CR1: variants seen among roughly 807,000 people sequenced by gnomAD.
CR1 encodes complement receptor type 1.
In CR1, 116 loss-of-function variants were observed where a neutral mutation model predicts 187.3. The observed-to-expected ratio is 0.62, with a 90% CI of 0.53 to 0.72. CR1 has a LOEUF of 0.72. Among genes scored for constraint, CR1 ranks in the 30% least tolerant of loss-of-function variants. The pLI is 0.00. For missense variants in CR1, 1,731 were observed against 2,110.7 expected (o/e 0.82, Z 3.52); for synonymous variants, 576 against 747.1 (o/e 0.77, Z 3.73).
Position 207,599,143 on chromosome 1 carries a change from G to C in CR1, c.5811-8108G>C, listed in dbSNP as rs188796870. 2.0e-5 allele frequency: 3 copies of C among 152,252 alleles called. No individual in the cohort carries two copies. The East Asian group carries it at 5.8e-4, about 29-fold the overall frequency. The allele number at this position is 152,252 out of a possible 1,614,324, so 9.4% of individuals were successfully genotyped here. ...AGAAAGTTAAGAGCATACAACAGTA[G>C]ATAAGCAATAGACAACCCGATATAA... is the stretch of plus-strand genomic sequence containing the variant. On this transcript the variant is annotated intron_variant, in intron 35 of 46. Coordinates refer to ENST00000367049, the MANE Select transcript of CR1 (RefSeq NM_000651.6).
chr1:207,578,617 G>T (rs1478414123), intron 29 of CR1, among the ~76,000 whole-genome samples: 2 of 152,186 alleles, frequency 1.3e-5, no homozygotes, highest in African/African-American at 4.8e-5. Flanking sequence ...AGTGACATCA[G>T]CTTGATCTTT....
chr1:207,513,807 C>T (rs1240763411), intron 4 of CR1, among the ~76,000 whole-genome samples: 2 of 128,714 alleles, frequency 1.6e-5, no homozygotes, highest in African/African-American at 5.8e-5. Flanking sequence ...TTCCTTCCTT[C>T]CCTCTTTCCT....
intron 1 of CR1, among the ~76,000 whole-genome samples, chr1:207,504,144 A>C (rs112814732): frequency 0.029 from 4,384 of 152,262 alleles, 215 homozygotes; most frequent in African/African-American, 0.098. Flanking sequence ...GACAGCTGTC[A>C]GGTTTGGTAC....
intron 1 of CR1, among the ~76,000 whole-genome samples, chr1:207,502,312 A>G (rs1659295693): frequency 6.6e-6 from 1 of 152,214 alleles, no homozygotes; most frequent in Non-Finnish European, 1.5e-5. Context: ...AAAGTGTCGG[A>G]CTAGAAATTA....
intron 46 of CR1, among the ~76,000 whole-genome samples, chr1:207,631,751 A>C (rs1662651955): frequency 6.6e-6 from 1 of 152,244 alleles, no homozygotes; most frequent in Non-Finnish European, 1.5e-5. Context: ...ATGCCCAAGA[A>C]TCCTAAAATG....
intron 3 of CR1, 117 bp downstream of exon 3, chr1:207,506,930 G>C: frequency 1.3e-6 from 1 of 783,196 alleles, no homozygotes; most frequent in Non-Finnish European, 2.0e-6. Flanking sequence ...GCTCTTTAAC[G>C]GCTTCAACAC....
At chr1:207,590,701 T>A (rs998444522) in intron 35 of CR1, among the ~76,000 whole-genome samples, 1 of 151,536 alleles carries the variant, frequency 6.6e-6, no homozygotes, top group Non-Finnish European at 1.5e-5. Flanking sequence ...ATTGGTGTGC[T>A]GTATTCAGGA....
At chr1:207,592,997 A>G (rs1661318359) in intron 35 of CR1, among the ~76,000 whole-genome samples, 1 of 151,298 alleles carries the variant, frequency 6.6e-6, no homozygotes, top group Non-Finnish European at 1.5e-5. Context: ...AAGAATCAAT[A>G]TCATGAAAAT....
intron 24 of CR1, 71 bp downstream of exon 24, chr1:207,565,994 C>T: frequency 1.9e-6 from 3 of 1,564,740 alleles, no homozygotes; most frequent in Non-Finnish European, 2.6e-6. Flanking sequence ...CTATGGCCTC[C>T]CTCAATGTGA....
At position 207,612,041 on chromosome 1, in the gene CR1, G is replaced by C; in HGVS notation, c.6575G>C (p.Gly2192Ala). The stretch of plus-strand genomic sequence containing the variant: ...AAGGTGTCCTTTGTTTGCGATGAAG[G>C]GTGAGTGTGACCCAGCGTTGAGACC... ...GAKVSFVCDE[G>A]FRLKGRSASH... The change falls in exon 39 of 47, where the codon GGG (glycine) becomes GCG (alanine). Residue 2192 changes from glycine to alanine, a missense_variant and splice_region_variant. Coordinates refer to ENST00000367049, the MANE Select transcript of CR1 (RefSeq NM_000651.6). 3 of 1,613,880 alleles carry C rather than the reference G, an allele frequency of 1.9e-6. No homozygotes were observed. Among genetic ancestry groups the C allele is most frequent in the Non-Finnish European group, 2.5e-6 (3 of 1,179,782 alleles).
In CR1 at chr1:207,505,855, A is replaced by G. The variant is rs769158058; in HGVS notation, c.122-49A>G. The G allele has an allele frequency of 2.6e-6, 4 of 1,559,514 alleles. No homozygotes were observed. In the Admixed American group the frequency reaches 8.0e-5, roughly 31 times the overall value. On this transcript the variant is annotated intron_variant, in intron 1 of 46. Coordinates refer to ENST00000367049, the MANE Select transcript of CR1 (RefSeq NM_000651.6). ...CGTCTCAAAAAAGAAAAAAAAAAGT[A>G]TGGTAATTTCTCCATTAACTTTGAT...
At chr1:207,578,340 A>G in intron 29 of CR1, 137 bp downstream of exon 29, 1 of 1,538,070 alleles carries the variant, frequency 6.5e-7, no homozygotes, top group Non-Finnish European at 8.8e-7. Flanking sequence ...GAAGCATGAA[A>G]TTAAGAATTG....
In CR1 at chr1:207,515,239, A is replaced by ATATACATATATAGGTATATACGTATACG. The variant is rs1558220911; in HGVS notation, c.487+3605_487+3632dup. Among the ~76,000 whole-genome samples the ATATACATATATAGGTATATACGTATACG allele has an allele frequency of 5.6e-4, 81 of 144,192 alleles. 1 individual carries two copies. In the East Asian group the frequency reaches 7.5e-3, roughly 13 times the overall value. The allele number at this position is 144,192 out of a possible 152,430, so 94.6% of individuals were successfully genotyped here. On this transcript the variant is annotated intron_variant, in intron 4 of 46. Transcript: ENST00000367049. ...TATACATATATATACGTATATATAC[A>ATATACATATATAGGTATATACGTATACG]TATACATATATAGGTATATACGTAT... is the stretch of plus-strand genomic sequence containing the variant.
At chr1:207,635,983 G>A (rs563356295) in intron 46 of CR1, among the ~76,000 whole-genome samples, 3 of 152,150 alleles carry the variant, frequency 2.0e-5, no homozygotes, top group South Asian at 2.1e-4. Context: ...CAAGGCAGAA[G>A]AATTTTTCTT....
rs376532657 is a variant in CR1, at chr1:207,616,663, T to G, written c.6750T>G (p.Ser2250=). 12 of 1,613,812 alleles carry G rather than the reference T, an allele frequency of 7.4e-6. No homozygotes were observed. The highest frequency in any genetic ancestry group is 1.0e-5 in the Non-Finnish European group (12 of 1,179,856). ...ATATTCCCTATGGAAAAGAAATATC[T>G]TACGCATGCGACACCCACCCAGACA... ...FGDIPYGKEI[S]YACDTHPDRG... The change falls in exon 41 of 47, where the codon TCT becomes TCG. Residue 2250 remains serine (S), a synonymous_variant. Transcript: ENST00000367049.
At position 207,506,738 on chromosome 1, in the gene CR1, A is replaced by G. The variant is rs377658670; in HGVS notation, c.326A>G (p.Asp109Gly). The G allele has an allele frequency of 4.3e-6, 7 of 1,613,688 alleles. No individual in the cohort carries two copies. The highest frequency in any genetic ancestry group is 5.9e-6 in the Non-Finnish European group (7 of 1,179,696). ...CRRKSCRNPP[D>G]PVNGMVHVIK... ...GGTAAATCATGTCGTAATCCTCCAGATCCTGTGAATGGCATGGTGCATGTG... is the reference window on the plus strand; with the variant it reads ...GGTAAATCATGTCGTAATCCTCCAGGTCCTGTGAATGGCATGGTGCATGTG... Residue 109 changes from aspartate (D) to glycine (G), a missense_variant, in exon 3 of 47, where the codon GAT becomes GGT. By Grantham distance (94) the Asp-to-Gly change is moderately conservative. This residue lies in a region of CR1 where 237 missense variants were observed against 240.4 expected (regional missense o/e 0.99). Transcript: ENST00000367049.
At chr1:207,564,601 G>A (rs1660431536) in intron 23 of CR1, among the ~76,000 whole-genome samples, 2 of 150,100 alleles carry the variant, frequency 1.3e-5, no homozygotes, top group South Asian at 4.2e-4. Flanking sequence ...AGGAGTTGGA[G>A]ACCAGCCTGG....
At chr1:207,623,587 A>C (rs1340096926) in intron 45 of CR1, among the ~76,000 whole-genome samples, 3 of 144,130 alleles carry the variant, frequency 2.1e-5, no homozygotes, top group Admixed American at 6.9e-5. Flanking sequence ...TACATCTCAA[A>C]ACACACACAC....
At position 207,609,422 on chromosome 1, in the gene CR1, T is replaced by C. The variant is rs1360636024; in HGVS notation, c.6029T>C (p.Leu2010Pro). The change falls in exon 37 of 47, where the codon CTT (leucine) becomes CCT (proline). Residue 2010 changes from leucine to proline, a missense_variant. This residue lies in a region of CR1 where 1,312 missense variants were observed against 1,379.6 expected (regional missense o/e 0.95). Transcript: ENST00000367049. ...CCAGATGGAGAACAGCTGTTTGAGCTTGTGGGAGAACGGTCAATATATTGC... is the reference window on the plus strand; with the variant it reads ...CCAGATGGAGAACAGCTGTTTGAGCCTGTGGGAGAACGGTCAATATATTGC... ...TGPDGEQLFE[L>P]VGERSIYCTS... 2 of 1,614,014 alleles carry C rather than the reference T, an allele frequency of 1.2e-6. No homozygotes were observed. The highest frequency in any genetic ancestry group is 1.1e-5 in the South Asian group (1 of 91,080).
Sources: gnomAD v4.1 joint callset for allele counts (sites outside exome capture counted in the v4.1 genomes callset) on GRCh38, gnomAD v4.1.1 for gene constraint, gnomAD v4.1.1 regional missense constraint, MANE v1.5 for transcripts, NCBI Gene and HGNC (gene_info 2026-07-23, HGNC 2026-07-21) for gene names.